The following RPH3A variants were observed in gnomAD, a reference collection of about 807,000 sequenced individuals.
RPH3A encodes rabphilin 3A, also known as rabphilin-3A.
In RPH3A, 48 loss-of-function variants were observed where a neutral mutation model predicts 102.2. The observed-to-expected ratio is 0.47, with a 90% CI of 0.37 to 0.60. The LOEUF is 0.60. Among genes scored for constraint, RPH3A ranks in the 20% least tolerant of loss-of-function variants. RPH3A has a pLI of 0.00. For missense variants in RPH3A, 781 were observed against 910.1 expected (o/e 0.86, Z 1.83); for synonymous variants, 310 against 324.3 (o/e 0.96, Z 0.47).
intron 1 of RPH3A, among the ~76,000 whole-genome samples, chr12:112,771,327 C>T (rs373912524): frequency 1.3e-5 from 2 of 152,182 alleles, no homozygotes; most frequent in African/African-American, 4.8e-5. Flanking sequence ...CAGTATATGG[C>T]TTTTGCTTTT....
chr12:112,588,009 CTG>C (rs1469519096), intron 1 of RPH3A, among the ~76,000 whole-genome samples: 1 of 152,168 alleles, frequency 6.6e-6, no homozygotes, highest in African/African-American at 2.4e-5. Context: ...TTTCACAGTT[CTG>C]TGTTTCCTGC....
chr12:112,627,524 G>A (rs2039775338), intron 1 of RPH3A, among the ~76,000 whole-genome samples: 2 of 151,272 alleles, frequency 1.3e-5, no homozygotes, highest in East Asian at 1.9e-4. Context: ...TACTCTTTAT[G>A]TTTATATTAT....
At position 112,731,754 on chromosome 12, in the gene RPH3A, A is replaced by G. The variant is rs79318062; in HGVS notation, c.-139-60389A>G. 1.2e-3 allele frequency among the ~76,000 whole-genome samples: 183 copies of G among 152,338 alleles called. No individual in the cohort carries two copies. The East Asian group carries it at 0.031, about 26-fold the overall frequency. The stretch of plus-strand genomic sequence containing the variant: ...TGATGACTTTCTAATTAAATCGTCT[A>G]CAAAAATGACATTTAATTATGGAGA... On this transcript the variant is annotated intron_variant, in intron 1 of 21. Transcript: ENST00000543106.
At chr12:112,693,054 C>T (rs570900718) in intron 1 of RPH3A, among the ~76,000 whole-genome samples, 1 of 152,332 alleles carries the variant, frequency 6.6e-6, no homozygotes, top group East Asian at 1.9e-4. Flanking sequence ...ATTCATGAGT[C>T]TAATGCAAGA....
chr12:112,878,360 A>G (rs978648153), intron 13 of RPH3A, among the ~76,000 whole-genome samples: 2 of 152,114 alleles, frequency 1.3e-5, no homozygotes, highest in Admixed American at 6.5e-5. Flanking sequence ...CCGGCTGTTT[A>G]TTACAAACCT....
At chr12:112,667,662 AAGAGAGAGAGAGAG>A (rs71086114) in intron 1 of RPH3A, among the ~76,000 whole-genome samples, 5,754 of 72,808 alleles carry the variant, frequency 0.079, 393 homozygotes, top group African/African-American at 0.15. Context: ...GAGATGAATA[AAGAGAGAGAGAGAG>A]AGAGAGAGAG....
At chr12:112,872,820 C>T (rs1321375497) in intron 10 of RPH3A, among the ~76,000 whole-genome samples, 1 of 152,206 alleles carries the variant, frequency 6.6e-6, no homozygotes, top group Non-Finnish European at 1.5e-5. Flanking sequence ...TCCCCTGTCC[C>T]TCAGGAGTCA....
At chr12:112,785,256 A>T (rs940232919) in intron 1 of RPH3A, among the ~76,000 whole-genome samples, 1 of 150,998 alleles carries the variant, frequency 6.6e-6, no homozygotes, top group African/African-American at 2.4e-5. Flanking sequence ...ATACAGCTGC[A>T]TGGTGGTTGG....
At chr12:112,581,380 A>G (rs535920486) in intron 1 of RPH3A, among the ~76,000 whole-genome samples, 1 of 152,332 alleles carries the variant, frequency 6.6e-6, no homozygotes, top group East Asian at 1.9e-4. Context: ...ACCTGCCCCC[A>G]TGATTCAATT....
chr12:112,834,673 A>C (rs1272296993), intron 3 of RPH3A, among the ~76,000 whole-genome samples: 2 of 152,154 alleles, frequency 1.3e-5, no homozygotes, highest in African/African-American at 4.8e-5. Context: ...TGTGGTTTTA[A>C]TTTGCATTTC....
At chr12:112,799,236 C>T (rs887613892) in intron 2 of RPH3A, among the ~76,000 whole-genome samples, 6 of 152,032 alleles carry the variant, frequency 3.9e-5, no homozygotes, top group Non-Finnish European at 7.4e-5. Flanking sequence ...AAAAGTTAAA[C>T]AATTAGCTGG....
intron 1 of RPH3A, among the ~76,000 whole-genome samples, chr12:112,713,102 T>TCTTCTTCTTCTCCTTCTTC (rs575141531): frequency 7.4e-6 from 1 of 135,552 alleles, no homozygotes. Context: ...TTCTTCTTCT[T>TCTTCTTCTTCTCCTTCTTC]TTATTTTTTT....
intron 5 of RPH3A, chr12:112,850,786 C>A (rs902122299): frequency 2.0e-5 from 3 of 152,182 alleles, no homozygotes; most frequent in Non-Finnish European, 2.9e-5. Context: ...CTAACTGGGG[C>A]TCCCACTGCA....
At chr12:112,863,770 A>G (rs1381958322) in intron 5 of RPH3A, among the ~76,000 whole-genome samples, 1 of 152,258 alleles carries the variant, frequency 6.6e-6, no homozygotes, top group Non-Finnish European at 1.5e-5. Flanking sequence ...ATGCCATGCT[A>G]AGCATATAGT....
chr12:112,870,039 G>C lies in RPH3A; in HGVS notation c.796G>C (p.Gly266Arg), dbSNP rs747582874. 4.3e-6 allele frequency: 7 copies of C among 1,610,278 alleles called. No individual in the cohort carries two copies. The highest frequency in any genetic ancestry group is 5.9e-6 in the Non-Finnish European group (7 of 1,178,732). Residue 266 changes from glycine to arginine, a missense_variant and splice_region_variant, in exon 10 of 22, where the codon GGT (glycine) becomes CGT (arginine). By Grantham distance (125) the Gly-to-Arg change is moderately radical (BLOSUM62 -2). This residue lies in a region of RPH3A where 730 missense variants were observed against 810.0 expected (regional missense o/e 0.90). Coordinates refer to ENST00000389385, the MANE Select transcript of RPH3A (RefSeq NM_001143854.2). ...TGGAGACTCCAGCCGGAGCCCAGCAGGTGAGCAAGATGGGCAAATCCAGAG... is the reference window on the plus strand; with the variant it reads ...TGGAGACTCCAGCCGGAGCCCAGCACGTGAGCAAGATGGGCAAATCCAGAG... ...GAGDSSRSPA[G>R]LRRANSVQAS...
chr12:112,737,282 C>A (rs982461004), intron 1 of RPH3A, among the ~76,000 whole-genome samples: 1 of 151,846 alleles, frequency 6.6e-6, no homozygotes, highest in Non-Finnish European at 1.5e-5. Flanking sequence ...GACTGTGGAC[C>A]AGACTGTTTG....
chr12:112,815,981 G>A (rs2041664840), intron 2 of RPH3A, among the ~76,000 whole-genome samples: 1 of 152,130 alleles, frequency 6.6e-6, no homozygotes, highest in Admixed American at 6.5e-5. Context: ...AACGATGTCT[G>A]GTGTTAAGGT....
Position 112,865,395 on chromosome 12 carries a change from A to T in RPH3A, c.231-19A>T, listed in dbSNP as rs779936025. On this transcript the variant is annotated intron_variant, in intron 5 of 21. Transcript: ENST00000389385. ...CCCCAGTCCTACAAGGTCCTTATTTACCTTGTCTCTGCTTCCAGACGCCTG... is the reference window on the plus strand; with the variant it reads ...CCCCAGTCCTACAAGGTCCTTATTTTCCTTGTCTCTGCTTCCAGACGCCTG... 4.3e-6 allele frequency: 7 copies of T among 1,612,678 alleles called. No homozygotes were observed. The African/African-American group carries it at 9.3e-5, about 22-fold the overall frequency.
chr12:112,731,188 GGTGTGTGTGT>G (rs3839972), intron 1 of RPH3A, among the ~76,000 whole-genome samples: 1 of 149,742 alleles, frequency 6.7e-6, no homozygotes, highest in African/African-American at 2.5e-5. Context: ...TTCATTTGAT[GGTGTGTGTGT>G]GTGTGTGTGG....
Sources: gnomAD v4.1 joint callset for allele counts (sites outside exome capture counted in the v4.1 genomes callset) on GRCh38, gnomAD v4.1.1 for gene constraint, gnomAD v4.1.1 regional missense constraint, MANE v1.5 for transcripts, NCBI Gene and HGNC (gene_info 2026-07-23, HGNC 2026-07-21) for gene names.